The following LRP1B variants were observed in gnomAD, a reference collection of about 807,000 sequenced individuals.
LRP1B encodes LDL receptor related protein 1B, also known as low-density lipoprotein receptor-related protein 1B.
A neutral mutation model predicts 556.6 loss-of-function variants in LRP1B; 217 were observed. The ratio of observed to expected loss-of-function variants is 0.39; its 90% confidence interval spans 0.35 to 0.44. The LOEUF (loss-of-function observed/expected upper bound fraction) is 0.44, where lower values mean the gene tolerates loss of function less well. LRP1B is among the 20% of genes least tolerant of loss of function. The pLI is 1.00. For missense variants in LRP1B, 5,053 were observed against 5,620.8 expected (o/e 0.90, Z 3.23); for synonymous variants, 2,047 against 1,865.8 (o/e 1.10, Z -2.50).
intron 3 of LRP1B, among the ~76,000 whole-genome samples, chr2:141,298,458 C>T (rs1288909630): frequency 6.6e-6 from 1 of 152,056 alleles, no homozygotes; most frequent in Non-Finnish European, 1.5e-5. Flanking sequence ...CAAAGTCACA[C>T]AAAAAATTAG....
At chr2:141,688,343 A>G (rs1402717468) in intron 2 of LRP1B, among the ~76,000 whole-genome samples, 1 of 151,892 alleles carries the variant, frequency 6.6e-6, no homozygotes, top group African/African-American at 2.4e-5. Flanking sequence ...TAAGTACCCT[A>G]TATGGACTTA....
intron 35 of LRP1B, among the ~76,000 whole-genome samples, chr2:140,737,582 G>A (rs1402255971): frequency 1.3e-5 from 2 of 152,134 alleles, no homozygotes; most frequent in Non-Finnish European, 2.9e-5. Flanking sequence ...AATTGCCTCT[G>A]AAGTAAGAGC....
chr2:140,427,075 C>T (rs989332794), intron 66 of LRP1B, among the ~76,000 whole-genome samples: 5 of 151,746 alleles, frequency 3.3e-5, no homozygotes, highest in African/African-American at 7.3e-5. Flanking sequence ...TTCATTTTCT[C>T]GTAGAGACAA....
chr2:140,536,198 T>C (rs912692620), intron 46 of LRP1B, among the ~76,000 whole-genome samples: 3 of 151,382 alleles, frequency 2.0e-5, no homozygotes, highest in African/African-American at 7.3e-5. Flanking sequence ...AATATTTTTA[T>C]TCACATTCAC....
intron 25 of LRP1B, among the ~76,000 whole-genome samples, chr2:140,876,482 C>CT (rs1693309076): frequency 6.6e-6 from 1 of 152,164 alleles, no homozygotes; most frequent in African/African-American, 2.4e-5. Context: ...AAGGCTTTGA[C>CT]TGCAGTGGTG....
intron 83 of LRP1B, among the ~76,000 whole-genome samples, chr2:140,311,519 G>T (rs141300475): frequency 4.6e-5 from 7 of 151,854 alleles, no homozygotes; most frequent in African/African-American, 1.7e-4. Flanking sequence ...TTGGAGAAGT[G>T]GAAGGGTGGG....
chr2:142,089,844 T>C (rs1706093143), intron 1 of LRP1B, among the ~76,000 whole-genome samples: 1 of 152,192 alleles, frequency 6.6e-6, no homozygotes, highest in Non-Finnish European at 1.5e-5. Context: ...TTTAAGAATA[T>C]ATTTTGATAT....
intron 1 of LRP1B, among the ~76,000 whole-genome samples, chr2:142,024,006 A>G (rs1328544419): frequency 6.6e-6 from 1 of 152,162 alleles, no homozygotes; most frequent in Non-Finnish European, 1.5e-5. Flanking sequence ...ATATGCCCAC[A>G]CAATTAGTTG....
At chr2:141,010,221 C>A (rs1697701508) in intron 14 of LRP1B, among the ~76,000 whole-genome samples, 1 of 151,880 alleles carries the variant, frequency 6.6e-6, no homozygotes, top group Admixed American at 6.6e-5. Context: ...TCAAAGTGTG[C>A]TTTTGAACCT....
chr2:141,280,239 G>A (rs749543476), intron 3 of LRP1B, among the ~76,000 whole-genome samples: 2 of 152,058 alleles, frequency 1.3e-5, no homozygotes, highest in Non-Finnish European at 2.9e-5. Context: ...CAAGAGACAG[G>A]ACTGTAATTA....
intron 62 of LRP1B, among the ~76,000 whole-genome samples, chr2:140,454,763 T>C (rs1371899861): frequency 1.3e-5 from 2 of 152,346 alleles, no homozygotes; most frequent in African/African-American, 2.4e-5. Context: ...TAGGTTTTCA[T>C]ATATAATATT....
intron 68 of LRP1B, 34 bp downstream of exon 68, chr2:140,378,146 G>A (rs750739801): frequency 2.2e-5 from 30 of 1,387,480 alleles, no homozygotes; most frequent in Non-Finnish European, 2.8e-5. Context: ...GTTCTAAAGC[G>A]CTGCTTTCTT....
At position 140,899,649 on chromosome 2, in the gene LRP1B, A is replaced by G. The variant is rs1694045931; in HGVS notation, c.3766+3271T>C. Among the ~76,000 whole-genome samples the G allele has an allele frequency of 2.6e-5, 4 of 152,194 alleles. No homozygotes were observed. In the South Asian group the frequency reaches 8.3e-4, roughly 32 times the overall value. On this transcript the variant is annotated intron_variant, in intron 23 of 90. Transcript: ENST00000389484. ...GTTCAATTGCAGTGTTTATACTTGG[A>G]ATTTAGGACTTACATAAATATGGGA... is the stretch of plus-strand genomic sequence containing the variant.
chr2:142,093,611 A>C (rs1273690626), intron 1 of LRP1B, among the ~76,000 whole-genome samples: 1 of 152,106 alleles, frequency 6.6e-6, no homozygotes, highest in South Asian at 2.1e-4. Context: ...GACACAGAAG[A>C]AGCCATCAGA....
intron 3 of LRP1B, among the ~76,000 whole-genome samples, chr2:141,389,291 A>C (rs1397118028): frequency 6.6e-6 from 1 of 152,194 alleles, no homozygotes; most frequent in South Asian, 2.1e-4. Context: ...GATCAATGGA[A>C]TAGAATTAAG....
chr2:140,795,004 A>G (rs1690255022), intron 32 of LRP1B, among the ~76,000 whole-genome samples: 1 of 152,356 alleles, frequency 6.6e-6, no homozygotes, highest in Non-Finnish European at 1.5e-5. Context: ...AAAGTCTTAT[A>G]TATTTCTCAA....
intron 33 of LRP1B, among the ~76,000 whole-genome samples, chr2:140,772,621 A>ACTT: frequency 6.6e-6 from 1 of 152,260 alleles, no homozygotes; most frequent in East Asian, 1.9e-4. Flanking sequence ...GATTTATAAT[A>ACTT]GTTATATACT....
At chr2:141,987,082 A>G (rs1337921569) in intron 1 of LRP1B, among the ~76,000 whole-genome samples, 1 of 151,996 alleles carries the variant, frequency 6.6e-6, no homozygotes, top group African/African-American at 2.4e-5. Flanking sequence ...ATTCACTTTT[A>G]TCAATGTTAT....
chr2:140,603,860 A>G (rs1411636312), intron 41 of LRP1B, among the ~76,000 whole-genome samples: 1 of 152,124 alleles, frequency 6.6e-6, no homozygotes, highest in Non-Finnish European at 1.5e-5. Context: ...ATTAACAAAA[A>G]GCCAATTAAA....
Sources: gnomAD v4.1 joint callset for allele counts (sites outside exome capture counted in the v4.1 genomes callset) on GRCh38, gnomAD v4.1.1 for gene constraint, MANE v1.5 for transcripts, NCBI Gene and HGNC (gene_info 2026-07-23, HGNC 2026-07-21) for gene names.